COL4A6: variants seen among roughly 807,000 people sequenced by gnomAD.
The protein encoded by COL4A6 is collagen alpha-6(IV) chain.
A neutral mutation model predicts 126.7 loss-of-function variants in COL4A6; 59 were observed. That is an observed-to-expected ratio of 0.47 (90% CI 0.38 to 0.58). The LOEUF (loss-of-function observed/expected upper bound fraction) is 0.58. COL4A6 is among the 20% of genes least tolerant of loss of function. COL4A6 has a pLI of 0.00. For synonymous variants in COL4A6, 547 were observed against 496.6 expected (o/e 1.10, Z -1.35); for missense variants, 1,285 against 1,337.3 (o/e 0.96, Z 0.61).
At chrX:108,394,899 T>C (rs1268956510) in intron 2 of COL4A6, among the ~76,000 whole-genome samples, 2 of 111,519 alleles carry the variant, frequency 1.8e-5, no homozygotes, top group African/African-American at 6.5e-5. Context: ...AAATGTTCTA[T>C]ATCTTGATCT....
At chrX:108,267,817 C>T (rs2037350566) in intron 3 of COL4A6, 1 of 112,712 alleles carries the variant, frequency 8.9e-6, no homozygotes, top group Non-Finnish European at 1.9e-5. Flanking sequence ...ATTTGATTTC[C>T]ACTTTCAGTT....
Position 108,156,317 on chromosome X carries a change from G to C in COL4A6, c.*683C>G, listed in dbSNP as rs1442211932. The C allele has an allele frequency of 8.9e-6, 1 of 111,842 alleles. No homozygotes were observed. The highest frequency in any genetic ancestry group is 1.9e-5 in the Non-Finnish European group (1 of 53,228). 9.2% of individuals were successfully genotyped at this position (111,842 alleles called of 1,213,427 possible). On this transcript the variant is annotated 3_prime_UTR_variant, in exon 45 of 45. Coordinates refer to ENST00000334504, the MANE Select transcript of COL4A6 (RefSeq NM_033641.4). ...CTCTGGCTGGAGGGGGAGCCGGCAA[G>C]GAGGAGATGGTTTGTCTAGGACCAT...
intron 2 of COL4A6, among the ~76,000 whole-genome samples, chrX:108,342,275 C>T (rs1000443859): frequency 2.7e-5 from 3 of 112,319 alleles, no homozygotes; most frequent in Non-Finnish European, 5.6e-5. Context: ...GATTTTCCTA[C>T]AGGCAGAAGA....
At chrX:108,198,983 T>C (rs900444520) in intron 13 of COL4A6, among the ~76,000 whole-genome samples, 1 of 111,329 alleles carries the variant, frequency 9.0e-6, no homozygotes, top group African/African-American at 3.3e-5. Flanking sequence ...ATGACCTCCA[T>C]GGAAGGACCT....
At chrX:108,420,304 C>G (rs1488796732) in intron 2 of COL4A6, among the ~76,000 whole-genome samples, 1 of 111,959 alleles carries the variant, frequency 8.9e-6, no homozygotes, top group Non-Finnish European at 1.9e-5. Flanking sequence ...TGATAATAAG[C>G]AGTGTTCCAG....
intron 2 of COL4A6, among the ~76,000 whole-genome samples, chrX:108,389,349 C>T (rs1047292537): frequency 1.8e-5 from 2 of 111,602 alleles, no homozygotes; most frequent in African/African-American, 6.5e-5. Context: ...GTGTGTGAGT[C>T]TAAGTCTCTT....
chrX:108,165,043 G>T lies in COL4A6; in HGVS notation c.3809-5C>A. On this transcript the variant is annotated splice_region_variant and splice_polypyrimidine_tract_variant and intron_variant, in intron 38 of 44. Transcript: ENST00000334504. ...GTCCAGCGGGGCCTGGGCGGCCTAG[G>T]GATAAGATCGGAAGAGGGGCGAGGG... 1 of 1,202,357 alleles carries T rather than the reference G, an allele frequency of 8.3e-7. No homozygotes were observed. Among genetic ancestry groups the T allele is most frequent in the South Asian group, 1.8e-5 (1 of 56,206 alleles).
At chrX:108,178,926 C>T in intron 26 of COL4A6, 81 bp from the exon 27 acceptor site, 1 of 1,033,996 alleles carries the variant, frequency 9.7e-7, no homozygotes, top group Non-Finnish European at 1.3e-6. Flanking sequence ...CAGGACTTAT[C>T]CCAGGTGCCA....
chrX:108,209,029 GT>G (rs768518670), intron 8 of COL4A6, among the ~76,000 whole-genome samples: 19 of 112,242 alleles, frequency 1.7e-4, no homozygotes, highest in African/African-American at 5.8e-4. Flanking sequence ...AGTGGATGTT[GT>G]TCTGTAAATT....
chrX:108,240,529 A>G (rs2036546224), intron 3 of COL4A6, among the ~76,000 whole-genome samples: 1 of 111,876 alleles, frequency 8.9e-6, no homozygotes, highest in African/African-American at 3.3e-5. Flanking sequence ...TCGCATTTCT[A>G]TTATCATATT....
chrX:108,182,593 A>G (rs1266695450), intron 23 of COL4A6, among the ~76,000 whole-genome samples: 1 of 112,106 alleles, frequency 8.9e-6, no homozygotes, highest in African/African-American at 3.2e-5. Flanking sequence ...TTATGGTGAG[A>G]TGCTTCACTG....
intron 23 of COL4A6, among the ~76,000 whole-genome samples, chrX:108,185,163 G>A (rs1469333542): frequency 2.7e-5 from 3 of 111,038 alleles, no homozygotes; most frequent in East Asian, 2.8e-4. Context: ...AGGCCAACGC[G>A]GGTGGATCAC....
intron 11 of COL4A6, 66 bp downstream of exon 11, chrX:108,205,373 G>T: frequency 1.1e-6 from 1 of 885,805 alleles, no homozygotes; most frequent in Non-Finnish European, 1.7e-6. Flanking sequence ...GCAGGCACAT[G>T]TGTGTAATCA....
intron 3 of COL4A6, among the ~76,000 whole-genome samples, chrX:108,228,898 C>T (rs2036237536): frequency 1.8e-5 from 2 of 112,123 alleles, no homozygotes; most frequent in Non-Finnish European, 3.8e-5. Context: ...ACTGTATATA[C>T]CACAAGTCCA....
chrX:108,280,413 C>T (rs774499917), intron 3 of COL4A6, among the ~76,000 whole-genome samples: 4 of 111,995 alleles, frequency 3.6e-5, no homozygotes, highest in Non-Finnish European at 7.5e-5. Flanking sequence ...ATAAAGTCCT[C>T]GACACATACA....
rs2034668533 is a variant in COL4A6, at chrX:108,180,973, A to G, written c.1952-5T>C. ...TAATACAGGGCAGGGTGATTCCTGT[A>G]AATGGTAACATGTGTGCATTCAGTG... On this transcript the variant is annotated splice_region_variant and splice_polypyrimidine_tract_variant and intron_variant, in intron 23 of 44. Transcript: ENST00000334504. 1 of 1,199,476 alleles carries G rather than the reference A, an allele frequency of 8.3e-7. No homozygotes were observed. Among genetic ancestry groups the G allele is most frequent in the African/African-American group, 1.8e-5 (1 of 57,024 alleles).
chrX:108,404,108 C>A (rs912890168), intron 2 of COL4A6, among the ~76,000 whole-genome samples: 4 of 111,646 alleles, frequency 3.6e-5, no homozygotes, highest in African/African-American at 1.3e-4. Context: ...GCACCTTGAT[C>A]TTGAACTTCC....
chrX:108,250,937 G>A (rs1471489228), intron 3 of COL4A6, among the ~76,000 whole-genome samples: 2 of 111,349 alleles, frequency 1.8e-5, no homozygotes, highest in Non-Finnish European at 3.8e-5. Flanking sequence ...CTCATTGTCC[G>A]GGGCCTAGGC....
chrX:108,189,419 C>T (rs1026769283), intron 20 of COL4A6, among the ~76,000 whole-genome samples: 6 of 111,874 alleles, frequency 5.4e-5, no homozygotes, highest in Non-Finnish European at 9.4e-5. Context: ...TTAATAACCT[C>T]CCCTGGGTGA....
Sources: allele counts gnomAD v4.1 joint callset (sites outside exome capture counted in the v4.1 genomes callset), GRCh38; gene constraint gnomAD v4.1.1; transcripts MANE v1.5; gene names NCBI Gene and HGNC (gene_info 2026-07-23, HGNC 2026-07-21).